The following SMPD4 variants were observed in gnomAD, a reference collection of about 807,000 sequenced individuals.
SMPD4 encodes the protein neutral sphingomyelinase 3.
A neutral mutation model predicts 97.8 loss-of-function variants in SMPD4; 58 were observed. The observed-to-expected ratio is 0.59, with a 90% CI of 0.48 to 0.74. The LOEUF (loss-of-function observed/expected upper bound fraction) is 0.74, where lower values mean the gene tolerates loss of function less well. Ranked by LOEUF, SMPD4 falls within the 30% of genes least tolerant of loss-of-function variation. The pLI, the probability that SMPD4 is intolerant of heterozygous loss-of-function variation, is 0.00. For missense variants in SMPD4, 853 were observed against 1,080.5 expected (o/e 0.79, Z 2.95); for synonymous variants, 388 against 450.0 (o/e 0.86, Z 1.74).
Position 130,181,547 on chromosome 2 carries a change from T to A in SMPD4, c.-63A>T, listed in dbSNP as rs1383909776. 1 of 1,605,650 alleles carries A rather than the reference T, an allele frequency of 6.2e-7. No individual in the cohort carries two copies. On this transcript the variant is annotated 5_prime_UTR_variant, in exon 1 of 20. Transcript: ENST00000680298. The stretch of plus-strand genomic sequence containing the variant: ...CCACTCACCTGTGGGATCCATAGCG[T>A]CGCTCGCCTCAGAGATGGAAGCCGC...
chr2:130,169,076 C>T (rs1451768820), intron 8 of SMPD4, among the ~76,000 whole-genome samples: 4 of 152,108 alleles, frequency 2.6e-5, no homozygotes, highest in Non-Finnish European at 5.9e-5. Flanking sequence ...AAAACCTGAC[C>T]GGCACCTTTT....
At chr2:130,159,158 G>A (rs1303182380) in intron 11 of SMPD4, among the ~76,000 whole-genome samples, 1 of 152,034 alleles carries the variant, frequency 6.6e-6, no homozygotes. Flanking sequence ...CACCACACCA[G>A]GCTAATTTTT....
In SMPD4 at chr2:130,154,853, G is replaced by A. The variant is rs556722516; in HGVS notation, c.1453+243C>T. 358 of 631,856 alleles carry A rather than the reference G, an allele frequency of 5.7e-4. 6 individuals carry two copies. The South Asian group carries it at 6.5e-3, about 11-fold the overall frequency. The allele number at this position is 631,856 out of a possible 1,614,324, so 39.1% of individuals were successfully genotyped here. On this transcript the variant is annotated intron_variant, in intron 15 of 19. Coordinates refer to ENST00000680298, the MANE Select transcript of SMPD4 (RefSeq NM_017951.5). ...ACGGGGCCGCAGCTTGGACCGTGCC[G>A]GCCCGCTCTGTGGGCACACCTGCGA...
At chr2:130,169,382 A>C (rs1292641946) in intron 8 of SMPD4, among the ~76,000 whole-genome samples, 1 of 152,208 alleles carries the variant, frequency 6.6e-6, no homozygotes, top group Non-Finnish European at 1.5e-5. Flanking sequence ...CTGTGACTAT[A>C]TAGGATAATG....
Position 130,181,529 on chromosome 2 carries a change from C to T in SMPD4, c.-46+1G>A, listed in dbSNP as rs1213284855. ...TCAGGCGCGCATCCCGCGCCACTCA[C>T]CTGTGGGATCCATAGCGTCGCTCGC... On this transcript the variant is annotated splice_donor_variant, in intron 1 of 19. Coordinates refer to ENST00000680298, the MANE Select transcript of SMPD4 (RefSeq NM_017951.5). LOFTEE classifies it low-confidence loss of function (5UTR_SPLICE). 6.2e-7 allele frequency: 1 copy of T among 1,603,124 alleles called. No individual in the cohort carries two copies. Among genetic ancestry groups the T allele is most frequent in the Admixed American group, 1.7e-5 (1 of 58,756 alleles).
In SMPD4 at chr2:130,167,497, G is replaced by A. The variant is rs768068385; in HGVS notation, c.753C>T (p.Pro251=). The A allele has an allele frequency of 1.2e-5, 19 of 1,613,642 alleles. No individual in the cohort carries two copies. The highest frequency in any genetic ancestry group is 3.3e-5 in the South Asian group (3 of 91,062). The change falls in exon 9 of 20, where the codon CCC becomes CCT. Residue 251 remains proline, a synonymous_variant. Coordinates refer to ENST00000680298, the MANE Select transcript of SMPD4 (RefSeq NM_017951.5). ...CTGACCTCCAGATCTCGTGGGAGGC[G>A]GGGTCTGCATTCACAGACGTCTGAT... ...ISHQTSVNAD[P]ASHEIWRSET...
At chr2:130,169,342 A>T (rs566620645) in intron 8 of SMPD4, among the ~76,000 whole-genome samples, 1 of 152,328 alleles carries the variant, frequency 6.6e-6, no homozygotes, top group Non-Finnish European at 1.5e-5. Flanking sequence ...GCCTGGTGGC[A>T]ATACTAACTT....
chr2:130,169,344 T>A (rs1688222423), intron 8 of SMPD4, among the ~76,000 whole-genome samples: 1 of 152,296 alleles, frequency 6.6e-6, no homozygotes, highest in African/African-American at 2.4e-5. Context: ...CTGGTGGCAA[T>A]ACTAACTTCC....
intron 16 of SMPD4, 116 bp from the exon 17 acceptor site, chr2:130,154,051 G>A: frequency 8.5e-7 from 1 of 1,181,752 alleles, no homozygotes; most frequent in South Asian, 1.5e-5. Flanking sequence ...GCTTCTGCCA[G>A]AAGACTTTTA....
chr2:130,176,006 CTTTT>C (rs1390004422), intron 2 of SMPD4, among the ~76,000 whole-genome samples: 1 of 150,956 alleles, frequency 6.6e-6, no homozygotes, highest in Non-Finnish European at 1.5e-5. Context: ...TTTTTTTTTC[CTTTT>C]TGAGTCTTTA....
Position 130,164,412 on chromosome 2 carries a change from A to G in SMPD4, c.826T>C (p.Leu276=). 1 of 1,614,194 alleles carries G rather than the reference A, an allele frequency of 6.2e-7. No individual in the cohort carries two copies. Among genetic ancestry groups the G allele is most frequent in the Non-Finnish European group, 8.5e-7 (1 of 1,180,036 alleles). ...GACTGCATTTTTTGATACATCTCCA[A>G]GGAATAGTGATGAAGCCACATTTCA... The part of the protein sequence containing the change: ...FVEMWLHHYS[L]EMYQKMQSPH... The change falls in exon 10 of 20, where the codon TTG becomes CTG. Residue 276 remains leucine, a synonymous_variant. Coordinates refer to ENST00000680298, the MANE Select transcript of SMPD4 (RefSeq NM_017951.5).
At position 130,154,482 on chromosome 2, in the gene SMPD4, C is replaced by A. The variant is rs1452870476; in HGVS notation, c.1454G>T (p.Gly485Val). 1 of 1,552,854 alleles carries A rather than the reference C, an allele frequency of 6.4e-7. No homozygotes were observed. Among genetic ancestry groups the A allele is most frequent in the East Asian group, 2.4e-5 (1 of 40,984 alleles). ...CTCTGGCTCCAGGAATAGCTGCTCA[C>A]CTAGAAGGCAGGAGACGAACCTGGC... ...QPNLAEMIQK[G>V]EQLFLEPELV... The change falls in exon 16 of 20, where the codon GGT becomes GTT. Residue 485 changes from glycine (G) to valine (V), a missense_variant and splice_region_variant. Transcript: ENST00000680298.
intron 14 of SMPD4, 35 bp downstream of exon 14, chr2:130,156,000 C>G (rs772436147): frequency 8.1e-6 from 13 of 1,595,094 alleles, no homozygotes; most frequent in South Asian, 6.6e-5. Context: ...CCTGGGGGAG[C>G]CAGTGGCATG....
At chr2:130,166,065 T>C (rs1687898324) in intron 9 of SMPD4, among the ~76,000 whole-genome samples, 1 of 152,122 alleles carries the variant, frequency 6.6e-6, no homozygotes, top group South Asian at 2.1e-4. Flanking sequence ...CTCACGCCTG[T>C]AATCCCAACA....
chr2:130,168,235 C>A (rs1688111170), intron 8 of SMPD4, among the ~76,000 whole-genome samples: 1 of 152,048 alleles, frequency 6.6e-6, no homozygotes, highest in South Asian at 2.1e-4. Flanking sequence ...CCAGCCTGGG[C>A]AACATGGCAA....
Position 130,181,546 on chromosome 2 carries a change from G to A in SMPD4, c.-62C>T, listed in dbSNP as rs560245165. 2.5e-6 allele frequency: 4 copies of A among 1,605,664 alleles called. No individual in the cohort carries two copies. Among genetic ancestry groups the A allele is most frequent in the East Asian group, 4.5e-5 (2 of 44,530 alleles). The stretch of plus-strand genomic sequence containing the variant: ...GCCACTCACCTGTGGGATCCATAGC[G>A]TCGCTCGCCTCAGAGATGGAAGCCG... On this transcript the variant is annotated 5_prime_UTR_variant, in exon 1 of 20. The change creates a new upstream start codon in the 5' untranslated region. Coordinates refer to ENST00000680298, the MANE Select transcript of SMPD4 (RefSeq NM_017951.5).
chr2:130,154,107 C>T, intron 16 of SMPD4, 170 bp downstream of exon 16: 1 of 1,115,646 alleles, frequency 9.0e-7, no homozygotes, highest in Non-Finnish European at 1.3e-6. Context: ...CCAAGAAACA[C>T]TGCCTTCGTT....
In SMPD4 at chr2:130,154,418, G is replaced by A. The variant is rs1342185924; in HGVS notation, c.1518C>T (p.Ala506=). The A allele has an allele frequency of 4.4e-6, 7 of 1,591,452 alleles. No individual in the cohort carries two copies. The Admixed American group carries it at 1.2e-4, about 28-fold the overall frequency. The part of the protein sequence containing the change: ...IPHRQHRLFT[A]PTFTGSFLSP... The stretch of plus-strand genomic sequence containing the variant: ...ACAGGAAGCTCCCAGTGAATGTGGG[G>A]GCCGTGAAGAGTCGGTGCTGGCGGT... Residue 506 remains alanine, a synonymous_variant, in exon 16 of 20, where the codon GCC becomes GCT. Coordinates refer to ENST00000680298, the MANE Select transcript of SMPD4 (RefSeq NM_017951.5).
chr2:130,164,622 C>T (rs1445486437), intron 9 of SMPD4, among the ~76,000 whole-genome samples, 177 bp from the exon 10 acceptor site: 1 of 152,032 alleles, frequency 6.6e-6, no homozygotes, highest in Non-Finnish European at 1.5e-5. Flanking sequence ...AATGGGTAAG[C>T]GACCTGAGGA....
Sources: allele counts gnomAD v4.1 joint callset (sites outside exome capture counted in the v4.1 genomes callset), GRCh38; gene constraint gnomAD v4.1.1; transcripts MANE v1.5; gene names NCBI Gene and HGNC (gene_info 2026-07-23, HGNC 2026-07-21).